VAV3: variants seen among roughly 807,000 people sequenced by gnomAD.
VAV3 encodes the protein guanine nucleotide exchange factor VAV3.
VAV3 carries 94 observed loss-of-function variants against 131.2 expected under a neutral mutation model. The observed-to-expected ratio is 0.72, with a 90% CI of 0.61 to 0.85. VAV3 has a LOEUF of 0.85. VAV3 is among the 40% of genes least tolerant of loss of function. VAV3 has a pLI of 0.00. For synonymous variants in VAV3, 349 were observed against 342.0 expected, an observed-to-expected ratio of 1.02 and a Z score of -0.22; for missense variants, 939 against 1,002.7, an observed-to-expected ratio of 0.94 and a Z score of 0.86.
intron 1 of VAV3, among the ~76,000 whole-genome samples, chr1:107,930,175 G>A (rs902645540): frequency 3.3e-5 from 5 of 152,034 alleles, no homozygotes; most frequent in Admixed American, 3.3e-4. Context: ...AACTAAAAGA[G>A]TATAACTGGA....
intron 2 of VAV3, among the ~76,000 whole-genome samples, chr1:107,805,108 C>T (rs1365978166): frequency 6.6e-6 from 1 of 151,976 alleles, no homozygotes; most frequent in Non-Finnish European, 1.5e-5. Context: ...TTGTCCTTGA[C>T]CTTTGAGAGT....
At chr1:107,597,341 T>C (rs1223070384) in intron 24 of VAV3, among the ~76,000 whole-genome samples, 1 of 151,696 alleles carries the variant, frequency 6.6e-6, no homozygotes, top group Non-Finnish European at 1.5e-5. Flanking sequence ...AATCAATGAG[T>C]CCAAAAATCA....
chr1:107,574,252 A>T (rs2100977387), intron 25 of VAV3, 54 bp from the exon 26 acceptor site: 1 of 1,587,600 alleles, frequency 6.3e-7, no homozygotes, highest in Non-Finnish European at 8.6e-7. Flanking sequence ...TAACAACCAT[A>T]ACAACCTAAT....
At position 107,964,992 on chromosome 1, in the gene VAV3, G is replaced by C; in HGVS notation, c.-123C>G. The stretch of plus-strand genomic sequence containing the variant: ...CAGCCGCCGGCCCTTTCCCCGCGCG[G>C]GATCGAGGGAGCAGGAGCCGCGGCT... On this transcript the variant is annotated 5_prime_UTR_variant, in exon 1 of 27. Transcript: ENST00000370056. 1.2e-6 allele frequency: 1 copy of C among 849,702 alleles called. No individual in the cohort carries two copies. The highest frequency in any genetic ancestry group is 1.5e-6 in the Non-Finnish European group (1 of 668,914). The allele number at this position is 849,702 out of a possible 1,614,324, so 52.6% of individuals were successfully genotyped here.
intron 24 of VAV3, among the ~76,000 whole-genome samples, chr1:107,598,735 C>CT (rs1477065162): frequency 6.6e-6 from 1 of 151,886 alleles, no homozygotes; most frequent in Admixed American, 6.6e-5. Context: ...TTAAATTCTA[C>CT]TTAGTGACCA....
chr1:107,648,824 C>T (rs1477599014), intron 19 of VAV3, among the ~76,000 whole-genome samples: 1 of 151,976 alleles, frequency 6.6e-6, no homozygotes, highest in Non-Finnish European at 1.5e-5. Flanking sequence ...TTCTATGCAA[C>T]CTACAGGGAA....
At chr1:107,717,432 G>T (rs1052282005) in intron 15 of VAV3, among the ~76,000 whole-genome samples, 2 of 152,162 alleles carry the variant, frequency 1.3e-5, no homozygotes, top group African/African-American at 2.4e-5. Context: ...ATTCTGGTAC[G>T]TTGTGTCTTT....
intron 2 of VAV3, among the ~76,000 whole-genome samples, chr1:107,790,854 A>G (rs766744648): frequency 6.6e-6 from 1 of 151,342 alleles, no homozygotes; most frequent in Non-Finnish European, 1.5e-5. Flanking sequence ...CGCCCAGCTA[A>G]TTTTTGTATT....
At chr1:107,582,707 C>A (rs1177982079) in intron 25 of VAV3, among the ~76,000 whole-genome samples, 1 of 151,922 alleles carries the variant, frequency 6.6e-6, no homozygotes, top group East Asian at 1.9e-4. Context: ...ATGATGATTT[C>A]CAATTTCATC....
intron 15 of VAV3, among the ~76,000 whole-genome samples, chr1:107,724,954 A>T (rs1341510294): frequency 6.6e-6 from 1 of 152,208 alleles, no homozygotes; most frequent in Non-Finnish European, 1.5e-5. Context: ...CTGTATGCAG[A>T]TAACCAGATC....
intron 4 of VAV3, among the ~76,000 whole-genome samples, chr1:107,775,261 G>A (rs1243964515): frequency 6.6e-6 from 1 of 152,006 alleles, no homozygotes; most frequent in Non-Finnish European, 1.5e-5. Context: ...AAATTTATAG[G>A]TGTAAGTCAC....
intron 1 of VAV3, among the ~76,000 whole-genome samples, chr1:107,944,318 A>C (rs771381124): frequency 1.3e-5 from 2 of 152,158 alleles, no homozygotes; most frequent in Non-Finnish European, 2.9e-5. Context: ...AGACTGTAAA[A>C]CCACTGCCAT....
At chr1:107,682,306 G>C (rs949332639) in intron 19 of VAV3, among the ~76,000 whole-genome samples, 4 of 151,906 alleles carry the variant, frequency 2.6e-5, no homozygotes, top group African/African-American at 7.3e-5. Context: ...CACTTATAAA[G>C]GTTAAGTAAT....
intron 1 of VAV3, among the ~76,000 whole-genome samples, chr1:107,902,372 T>G (rs1172503762): frequency 6.6e-6 from 1 of 152,254 alleles, no homozygotes; most frequent in Non-Finnish European, 1.5e-5. Flanking sequence ...ATTGACTTTA[T>G]TCATCTTCCA....
intron 15 of VAV3, among the ~76,000 whole-genome samples, chr1:107,714,896 T>A (rs1384216843): frequency 6.6e-6 from 1 of 152,182 alleles, no homozygotes; most frequent in Non-Finnish European, 1.5e-5. Flanking sequence ...ATTACACTTC[T>A]TTATTTTATT....
chr1:107,616,167 A>G (rs1653139566), intron 21 of VAV3, among the ~76,000 whole-genome samples: 1 of 152,168 alleles, frequency 6.6e-6, no homozygotes, highest in African/African-American at 2.4e-5. Flanking sequence ...CATCCCAGCA[A>G]TATTCACAAA....
At chr1:107,627,508 T>C (rs777970803) in intron 20 of VAV3, among the ~76,000 whole-genome samples, 1 of 152,168 alleles carries the variant, frequency 6.6e-6, no homozygotes, top group Non-Finnish European at 1.5e-5. Context: ...AGAGGAAACC[T>C]AAAAACAAAA....
At chr1:107,759,006 G>C (rs527623869) in intron 10 of VAV3, among the ~76,000 whole-genome samples, 6 of 152,270 alleles carry the variant, frequency 3.9e-5, no homozygotes, top group African/African-American at 1.4e-4. Flanking sequence ...TTCTATGACA[G>C]AGGCCTCTAC....
At position 107,642,709 on chromosome 1, in the gene VAV3, G is replaced by A; in HGVS notation, c.1824C>T (p.Pro608=). 1 of 1,613,430 alleles carries A rather than the reference G, an allele frequency of 6.2e-7. No homozygotes were observed. Among genetic ancestry groups the A allele is most frequent in the Non-Finnish European group, 8.5e-7 (1 of 1,179,646 alleles). Residue 608 remains proline, a synonymous_variant, in exon 20 of 27, where the codon CCC becomes CCT. Coordinates refer to ENST00000370056, the MANE Select transcript of VAV3 (RefSeq NM_006113.5). ...AAGGGGGTCCTTCATGCAGAGCTGGGGGTGGTGTTCCAGAATAGTTCCTAA... is the reference window on the plus strand; with the variant it reads ...AAGGGGGTCCTTCATGCAGAGCTGGAGGTGGTGTTCCAGAATAGTTCCTAA... ...QVIRNYSGTP[P]PALHEGPPLQ...
Sources: gnomAD v4.1 joint callset for allele counts (sites outside exome capture counted in the v4.1 genomes callset) on GRCh38, gnomAD v4.1.1 for gene constraint, MANE v1.5 for transcripts, NCBI Gene and HGNC (gene_info 2026-07-23, HGNC 2026-07-21) for gene names.